COL23A1: variants seen among roughly 807,000 people sequenced by gnomAD.
COL23A1 encodes the protein collagen alpha-1(XXIII) chain.
Under a neutral mutation model 99.3 loss-of-function variants are expected in COL23A1, and 97 were observed. The observed-to-expected ratio is 0.98, with a 90% CI of 0.83 to 1.16. COL23A1 has a LOEUF of 1.16. Among genes scored for constraint, COL23A1 ranks in the 50% most tolerant of loss-of-function variants. The pLI is 0.00. For synonymous variants in COL23A1, 320 were observed against 308.2 expected, an observed-to-expected ratio of 1.04 and a Z score of -0.40; for missense variants, 762 against 757.4, an observed-to-expected ratio of 1.01 and a Z score of -0.07.
intron 1 of COL23A1, among the ~76,000 whole-genome samples, chr5:178,577,000 G>A (rs1390145988): frequency 6.6e-6 from 1 of 151,996 alleles, no homozygotes; most frequent in Non-Finnish European, 1.5e-5. Flanking sequence ...CCCTCCTCGG[G>A]CAGCGGCCGG....
At chr5:178,482,529 G>A (rs1757396758) in intron 2 of COL23A1, among the ~76,000 whole-genome samples, 1 of 152,180 alleles carries the variant, frequency 6.6e-6, no homozygotes, top group Admixed American at 6.5e-5. Flanking sequence ...TGAGATGGAT[G>A]GTGGTGATGG....
In COL23A1 at chr5:178,384,264, C is replaced by T. The variant is rs1763547551; in HGVS notation, c.362-77345G>A. On this transcript the variant is annotated intron_variant, in intron 2 of 28. Transcript: ENST00000390654. The surrounding 1 kb of genome is among the most constrained non-coding windows in gnomAD (Gnocchi z 5.5). ...GATCGCAAATGCACGCAGCTCCCCG[C>T]CCAGGGCAGTTCTCAAAACCTGGAT... Among the ~76,000 whole-genome samples the T allele has an allele frequency of 6.6e-6, 1 of 152,238 alleles. No homozygotes were observed. The highest frequency in any genetic ancestry group is 6.5e-5 in the Admixed American group (1 of 15,286).
chr5:178,518,589 G>C (rs189349782), intron 2 of COL23A1, among the ~76,000 whole-genome samples: 26,346 of 106,512 alleles, frequency 0.25, 2,567 homozygotes, highest in African/African-American at 0.36. Context: ...ATGGGGCGGC[G>C]GGGCAGAGGC....
intron 2 of COL23A1, among the ~76,000 whole-genome samples, chr5:178,463,098 G>A (rs533858580): frequency 2.0e-5 from 3 of 152,288 alleles, no homozygotes; most frequent in Non-Finnish European, 4.4e-5. Flanking sequence ...GCGACACAAA[G>A]GGAACTATTT....
chr5:178,296,562 GT>G (rs919935973), intron 3 of COL23A1, among the ~76,000 whole-genome samples: 6 of 151,138 alleles, frequency 4.0e-5, no homozygotes, highest in African/African-American at 1.2e-4. Flanking sequence ...TGGCCACGCC[GT>G]TTTTTTTTCC....
chr5:178,454,111 G>GGACA (rs1393827189), intron 2 of COL23A1, among the ~76,000 whole-genome samples: 1 of 152,072 alleles, frequency 6.6e-6, no homozygotes, highest in African/African-American at 2.4e-5. Context: ...CACAACATAT[G>GGACA]GACAGTTAAG....
intron 2 of COL23A1, among the ~76,000 whole-genome samples, chr5:178,432,874 C>T (rs1383963676): frequency 2.0e-5 from 3 of 152,030 alleles, no homozygotes; most frequent in Non-Finnish European, 4.4e-5. Context: ...TGGTCCTTAC[C>T]CCCCTTGCAG....
chr5:178,337,892 T>G (rs1760436343), intron 2 of COL23A1, among the ~76,000 whole-genome samples: 1 of 152,244 alleles, frequency 6.6e-6, no homozygotes, highest in Non-Finnish European at 1.5e-5. Flanking sequence ...GTTTATATAT[T>G]TTTTCATTAT....
chr5:178,394,685 TG>T (rs752127507), intron 2 of COL23A1, among the ~76,000 whole-genome samples: 2 of 152,106 alleles, frequency 1.3e-5, no homozygotes, highest in Non-Finnish European at 2.9e-5. Context: ...GGACTGCTGA[TG>T]GTCTGACTCC....
chr5:178,585,389 G>A (rs202124269), intron 1 of COL23A1, among the ~76,000 whole-genome samples: 12,013 of 137,196 alleles, frequency 0.088, 930 homozygotes, highest in East Asian at 0.32. Context: ...GTAACACTCC[G>A]CGGCCCTGAC....
At chr5:178,316,247 G>A (rs1029575272) in intron 2 of COL23A1, among the ~76,000 whole-genome samples, 2 of 152,138 alleles carry the variant, frequency 1.3e-5, no homozygotes, top group African/African-American at 2.4e-5. Flanking sequence ...AAGTTAGAAA[G>A]TATTCTGAAA....
intron 1 of COL23A1, among the ~76,000 whole-genome samples, chr5:178,562,903 G>A (rs1406454843): frequency 6.6e-6 from 1 of 152,136 alleles, no homozygotes; most frequent in African/African-American, 2.4e-5. Flanking sequence ...ACAGAGCACT[G>A]ATTGGTGCAT....
chr5:178,505,458 C>T (rs1393883009), intron 2 of COL23A1, among the ~76,000 whole-genome samples: 10 of 152,030 alleles, frequency 6.6e-5, no homozygotes, highest in African/African-American at 2.4e-4. Flanking sequence ...ATCATGTTGG[C>T]CAGGCTGGTC....
chr5:178,546,796 G>A (rs2113396734), intron 2 of COL23A1, among the ~76,000 whole-genome samples: 1 of 152,334 alleles, frequency 6.6e-6, no homozygotes, highest in South Asian at 2.1e-4. Flanking sequence ...ACAGAAGGCA[G>A]CCTGAGGCAA....
chr5:178,465,286 G>A (rs1756353462), intron 2 of COL23A1, among the ~76,000 whole-genome samples: 1 of 152,138 alleles, frequency 6.6e-6, no homozygotes, highest in Non-Finnish European at 1.5e-5. Flanking sequence ...AGCGAGCTCT[G>A]GGACTTAGAA....
At chr5:178,413,318 C>G (rs73350809) in intron 2 of COL23A1, among the ~76,000 whole-genome samples, 1 of 152,050 alleles carries the variant, frequency 6.6e-6, no homozygotes, top group African/African-American at 2.4e-5. Flanking sequence ...GATTTTTTCC[C>G]CCTTGAATGC....
At position 178,242,416 on chromosome 5, in the gene COL23A1, A is replaced by T. The variant is rs771264490; in HGVS notation, c.1441-22T>A. 3 of 1,613,222 alleles carry T rather than the reference A, an allele frequency of 1.9e-6. No homozygotes were observed. In the East Asian group the frequency reaches 6.7e-5, roughly 36 times the overall value. On this transcript the variant is annotated intron_variant, in intron 25 of 28. Coordinates refer to ENST00000390654, the MANE Select transcript of COL23A1 (RefSeq NM_173465.4). ...AACCCTGACAAAAGGATTAGATGCT[A>T]AACCCGAAAATGAGGCTGGAGGTTT... is the stretch of plus-strand genomic sequence containing the variant.
chr5:178,531,882 G>A (rs1028402572), intron 2 of COL23A1, among the ~76,000 whole-genome samples: 2 of 152,194 alleles, frequency 1.3e-5, no homozygotes, highest in African/African-American at 4.8e-5. Flanking sequence ...CATGAGAGGA[G>A]CCTGGTTCTC....
At chr5:178,432,538 AG>A (rs1766320296) in intron 2 of COL23A1, among the ~76,000 whole-genome samples, 1 of 152,158 alleles carries the variant, frequency 6.6e-6, no homozygotes, top group Admixed American at 6.5e-5. Context: ...TACAGGGCTC[AG>A]GGTCTGTCAC....
Sources: allele counts gnomAD v4.1 joint callset (sites outside exome capture counted in the v4.1 genomes callset), GRCh38; gene constraint gnomAD v4.1.1; non-coding constraint Gnocchi (gnomAD v3.1); transcripts MANE v1.5; gene names NCBI Gene and HGNC (gene_info 2026-07-23, HGNC 2026-07-21).